The following EEA1 variants were observed in gnomAD, a reference collection of about 807,000 sequenced individuals.
EEA1 encodes early endosome antigen 1, 162kD.
EEA1 carries 111 observed loss-of-function variants against 209.2 expected under a neutral mutation model. That is an observed-to-expected ratio of 0.53 (90% confidence interval 0.45 to 0.62). The LOEUF (loss-of-function observed/expected upper bound fraction) is 0.62. EEA1 is among the 20% of genes least tolerant of loss of function. The probability of loss-of-function intolerance (pLI) is 0.00; values close to 1 mark genes in which losing one functional copy is unlikely to be tolerated. For synonymous variants in EEA1, 536 were observed against 540.6 expected (o/e 0.99, Z 0.12); for missense variants, 1,343 against 1,530.8 (o/e 0.88, Z 2.05).
intron 3 of EEA1, among the ~76,000 whole-genome samples, chr12:92,861,797 T>A (rs1440019452): frequency 1.3e-5 from 2 of 151,802 alleles, no homozygotes; most frequent in African/African-American, 2.4e-5. Context: ...TATAAGCATA[T>A]GAATATATAA....
chr12:92,852,304 A>G lies in EEA1; in HGVS notation c.521-8T>C. 1.3e-6 allele frequency: 2 copies of G among 1,537,034 alleles called. No homozygotes were observed. The highest frequency in any genetic ancestry group is 1.3e-5 in the South Asian group (1 of 78,070). ...CATACTTTGACTTTATATCTAATTA[A>G]AGATAGTTATATAAATATTAGTTTA... On this transcript the variant is annotated splice_region_variant and splice_polypyrimidine_tract_variant and intron_variant, in intron 7 of 28. Coordinates refer to ENST00000322349, the MANE Select transcript of EEA1 (RefSeq NM_003566.4).
chr12:92,879,887 T>G (rs982856204), intron 2 of EEA1, among the ~76,000 whole-genome samples: 3 of 152,174 alleles, frequency 2.0e-5, no homozygotes, highest in African/African-American at 7.2e-5. Flanking sequence ...CCAGGCACAG[T>G]CCCTGCTTAT....
intron 2 of EEA1, among the ~76,000 whole-genome samples, chr12:92,878,231 C>T (rs181900612): frequency 5.3e-5 from 8 of 151,904 alleles, no homozygotes; most frequent in Admixed American, 3.9e-4. Flanking sequence ...CAAGACCCCT[C>T]GCTACAAGAA....
intron 17 of EEA1, among the ~76,000 whole-genome samples, chr12:92,809,419 C>T (rs1565817013): frequency 6.6e-6 from 1 of 151,160 alleles, no homozygotes; most frequent in Non-Finnish European, 1.5e-5. Context: ...GGCGCGGTGG[C>T]TCACACCTGT....
At chr12:92,790,587 A>C (rs1261203916) in intron 21 of EEA1, among the ~76,000 whole-genome samples, 4 of 152,208 alleles carry the variant, frequency 2.6e-5, no homozygotes, top group Non-Finnish European at 5.9e-5. Context: ...TAGAGTAAAA[A>C]GAAATGAACA....
At chr12:92,826,714 CAAAAAA>C (rs1210921584) in intron 12 of EEA1, among the ~76,000 whole-genome samples, 3 of 57,132 alleles carry the variant, frequency 5.3e-5, no homozygotes, top group African/African-American at 2.0e-4. Flanking sequence ...GACTCCGTCT[CAAAAAA>C]AAAAAAAAAA....
chr12:92,925,057 A>ATAGT (rs1881157084), intron 1 of EEA1, among the ~76,000 whole-genome samples: 1 of 151,836 alleles, frequency 6.6e-6, no homozygotes, highest in Non-Finnish European at 1.5e-5. Flanking sequence ...ATTCAAGAGT[A>ATAGT]TAGTTGTATG....
intron 1 of EEA1, among the ~76,000 whole-genome samples, chr12:92,921,438 T>C (rs1456156704): frequency 1.1e-5 from 1 of 92,712 alleles, no homozygotes; most frequent in Non-Finnish European, 2.2e-5. Flanking sequence ...GATGAGTTCA[T>C]ATCCTTTGTA....
chr12:92,907,378 T>C (rs1284215234), intron 1 of EEA1, among the ~76,000 whole-genome samples: 1 of 152,248 alleles, frequency 6.6e-6, no homozygotes, highest in Non-Finnish European at 1.5e-5. Flanking sequence ...CTCAAAGCTT[T>C]CACCCATCTA....
intron 3 of EEA1, among the ~76,000 whole-genome samples, chr12:92,863,871 A>G (rs1280038435): frequency 1.3e-5 from 2 of 152,238 alleles, no homozygotes; most frequent in Admixed American, 6.5e-5. Context: ...AAAAGTTCAT[A>G]TACTGGACAC....
chr12:92,839,891 ATATCTATT>A lies in EEA1; in HGVS notation c.915+2566_915+2573del, dbSNP rs1475484270. On this transcript the variant is annotated intron_variant, in intron 10 of 28. Transcript: ENST00000322349. The stretch of plus-strand genomic sequence containing the variant: ...AACTTCATGGCAGCAGCCTAAAACA[ATATCTATT>A]ATATCATATAGTTTTTGAGGGTCAG... Among the ~76,000 whole-genome samples the A allele has an allele frequency of 2.6e-5, 4 of 152,170 alleles. No homozygotes were observed. The East Asian group carries it at 5.8e-4, about 22-fold the overall frequency.
At chr12:92,799,825 C>T (rs1347694353) in intron 20 of EEA1, among the ~76,000 whole-genome samples, 1 of 151,768 alleles carries the variant, frequency 6.6e-6, no homozygotes, top group Non-Finnish European at 1.5e-5. Flanking sequence ...TCTCATATGC[C>T]ACTAAGCCTA....
At chr12:92,865,131 T>C (rs913701343) in intron 2 of EEA1, 144 bp from the exon 3 acceptor site, 14 of 555,860 alleles carry the variant, frequency 2.5e-5, no homozygotes, top group Middle Eastern at 4.6e-4. Flanking sequence ...TAATCCCAAA[T>C]TCTAGTATCA....
In EEA1 at chr12:92,901,717, G is replaced by A. The variant is rs572662278; in HGVS notation, c.25-9996C>T. The stretch of plus-strand genomic sequence containing the variant: ...CAAGTAGCTGGGACTACAGGTGCAC[G>A]CCACCATGCCCAGCTAATTTTTTGT... On this transcript the variant is annotated intron_variant, in intron 1 of 28. Transcript: ENST00000322349. 6.6e-5 allele frequency among the ~76,000 whole-genome samples: 10 copies of A among 152,046 alleles called. No individual in the cohort carries two copies. In the South Asian group the frequency reaches 1.5e-3, roughly 22 times the overall value.
chr12:92,855,738 A>G (rs1877853309), intron 5 of EEA1, among the ~76,000 whole-genome samples: 1 of 152,216 alleles, frequency 6.6e-6, no homozygotes, highest in African/African-American at 2.4e-5. Flanking sequence ...TATTTAAAAT[A>G]TATTTTCCCC....
chr12:92,827,932 G>C lies in EEA1; in HGVS notation c.1384C>G (p.Leu462Val). Residue 462 changes from leucine to valine, a missense_variant, in exon 12 of 29, where the codon CTT (leucine) becomes GTT (valine). Around this residue, in one of 3 missense-constraint regions of EEA1, gnomAD observed 1,307 missense variants for 1,465.5 expected, o/e 0.89. Transcript: ENST00000322349. ...EQQVADLQLKLSRLEEQLKEK... is the reference protein window; with the variant it reads ...EQQVADLQLKVSRLEEQLKEK... ...CTTACCTGCTCTTCTAACCGAGAAA[G>C]TTTGAGTTGTAAATCAGCCACTTGT... The C allele has an allele frequency of 6.4e-7, 1 of 1,568,840 alleles. No homozygotes were observed. Among genetic ancestry groups the C allele is most frequent in the Non-Finnish European group, 8.6e-7 (1 of 1,160,986 alleles).
rs374756235 is a variant in EEA1 at position 92,797,374 on chromosome 12, C to A, written c.2967+1518G>T. ...AAGTGCTGGGATTACAGGTGTGAGCCACTGCACCCAGCCAATTTTGTATTA... is the reference window on the plus strand; with the variant it reads ...AAGTGCTGGGATTACAGGTGTGAGCAACTGCACCCAGCCAATTTTGTATTA... On this transcript the variant is annotated intron_variant, in intron 21 of 28. Coordinates refer to ENST00000322349, the MANE Select transcript of EEA1 (RefSeq NM_003566.4). Among the ~76,000 whole-genome samples the A allele has an allele frequency of 6.6e-5, 10 of 152,258 alleles. No individual in the cohort carries two copies. In the East Asian group the frequency reaches 1.9e-3, roughly 29 times the overall value.
intron 21 of EEA1, among the ~76,000 whole-genome samples, chr12:92,794,006 C>T (rs1342513632): frequency 6.6e-6 from 1 of 152,166 alleles, no homozygotes; most frequent in Non-Finnish European, 1.5e-5. Flanking sequence ...TATCCAGAAT[C>T]TACAAAGAAC....
chr12:92,815,205 T>C (rs1339479673), intron 15 of EEA1, among the ~76,000 whole-genome samples: 2 of 151,850 alleles, frequency 1.3e-5, no homozygotes, highest in African/African-American at 2.4e-5. Flanking sequence ...GGAGCAATGA[T>C]AGTAACAAAA....
Sources: allele counts gnomAD v4.1 joint callset (sites outside exome capture counted in the v4.1 genomes callset), GRCh38; gene constraint gnomAD v4.1.1; regional missense constraint gnomAD v4.1.1; transcripts MANE v1.5; gene names NCBI Gene and HGNC (gene_info 2026-07-23, HGNC 2026-07-21).